OCA2: variants seen among roughly 807,000 people sequenced by gnomAD.
OCA2 encodes the protein OCA2 melanosomal transmembrane protein, also known as P protein.
In OCA2, 77 loss-of-function variants were observed where a neutral mutation model predicts 100.2. The ratio of observed to expected loss-of-function variants is 0.77; its 90% confidence interval spans 0.64 to 0.93. The LOEUF (loss-of-function observed/expected upper bound fraction) is 0.93, where lower values mean the gene tolerates loss of function less well. Among genes scored for constraint, OCA2 ranks in the 40% least tolerant of loss-of-function variants. The probability of loss-of-function intolerance (pLI) is 0.00; values close to 1 mark genes in which losing one functional copy is unlikely to be tolerated. For synonymous variants in OCA2, 432 were observed against 439.2 expected (o/e 0.98, Z 0.21); for missense variants, 1,062 against 1,089.1 (o/e 0.98, Z 0.35).
At chr15:27,770,353 C>T (rs948731109) in intron 23 of OCA2, among the ~76,000 whole-genome samples, 4 of 152,212 alleles carry the variant, frequency 2.6e-5, no homozygotes, top group Non-Finnish European at 5.9e-5. Flanking sequence ...GCGAGGCTTT[C>T]AGTGCGCCCG....
chr15:27,847,801 T>C (rs532321254), intron 22 of OCA2, among the ~76,000 whole-genome samples: 2 of 152,314 alleles, frequency 1.3e-5, no homozygotes, highest in Non-Finnish European at 2.9e-5. Flanking sequence ...TTTGTGATAG[T>C]AGGGAAAGGA....
chr15:27,793,971 G>A (rs1463722120), intron 23 of OCA2, among the ~76,000 whole-genome samples: 1 of 152,180 alleles, frequency 6.6e-6, no homozygotes, highest in Non-Finnish European at 1.5e-5. Context: ...CCGGCACTTG[G>A]TGGGACTGTG....
chr15:28,097,460 CCCTGCCCCAGAT>C (rs2045006971), intron 1 of OCA2, among the ~76,000 whole-genome samples: 1 of 152,208 alleles, frequency 6.6e-6, no homozygotes, highest in African/African-American at 2.4e-5. Flanking sequence ...CTGGGTCAGC[CCCTGCCCCAGAT>C]CCTGCCCCCT....
chr15:27,951,995 G>T, intron 17 of OCA2, 103 bp from the exon 18 acceptor site: 1 of 836,336 alleles, frequency 1.2e-6, no homozygotes, highest in Non-Finnish European at 2.0e-6. Context: ...TCACGAGGAT[G>T]AAAAATGTAA....
At chr15:27,826,992 A>G (rs2034751039) in intron 23 of OCA2, among the ~76,000 whole-genome samples, 1 of 152,266 alleles carries the variant, frequency 6.6e-6, no homozygotes, top group African/African-American at 2.4e-5. Flanking sequence ...GTCTCCCGGC[A>G]AGATGCCCTT....
intron 2 of OCA2, among the ~76,000 whole-genome samples, chr15:28,041,786 A>G (rs116237722): frequency 4.6e-5 from 7 of 152,236 alleles, no homozygotes; most frequent in Non-Finnish European, 1.0e-4. Context: ...TCTTAGAAAC[A>G]TAATGTTGCA....
chr15:27,985,130 G>A lies in OCA2; in HGVS notation c.1298C>T (p.Ala433Val), dbSNP rs780239785. 1.4e-5 allele frequency: 23 copies of A among 1,614,000 alleles called. No homozygotes were observed. Among genetic ancestry groups the A allele is most frequent in the Admixed American group, 5.0e-5 (3 of 60,016 alleles). ...GTCCAAGAAGGCAGAGAGGACGGCC[G>A]CGATGAGACAGAGCATGATGATCAT... ...WAMIIMLCLIAAVLSAFLDNV... is the reference protein window; with the variant it reads ...WAMIIMLCLIVAVLSAFLDNV... Residue 433 changes from alanine to valine, a missense_variant, in exon 13 of 24, where the codon GCG becomes GTG. Ala to Val is a moderately conservative substitution (Grantham distance 64). Transcript: ENST00000354638.
At chr15:27,918,322 G>A (rs59744873) in intron 19 of OCA2, among the ~76,000 whole-genome samples, 7,671 of 151,998 alleles carry the variant, frequency 0.05, 367 homozygotes, top group South Asian at 0.21. Flanking sequence ...CACCTGCCTC[G>A]GCCTCCCAAA....
intron 6 of OCA2, among the ~76,000 whole-genome samples, chr15:28,021,913 G>A (rs143283874): frequency 7.2e-5 from 11 of 152,262 alleles, no homozygotes; most frequent in African/African-American, 2.4e-4. Flanking sequence ...GTGCACCGCA[G>A]GTTGCCACAG....
chr15:28,014,939 G>A lies in OCA2; in HGVS notation c.891-10C>T, dbSNP rs1244128314. 4.3e-6 allele frequency: 7 copies of A among 1,613,908 alleles called. No individual in the cohort carries two copies. The highest frequency in any genetic ancestry group is 1.1e-5 in the South Asian group (1 of 91,038). On this transcript the variant is annotated splice_polypyrimidine_tract_variant and intron_variant, in intron 8 of 23. Transcript: ENST00000354638. ...GATGGACACCGTCTCTCTGCAGAAC[G>A]AAACAACGACCTTACTGTTCACAAG...
intron 14 of OCA2, 68 bp from the exon 15 acceptor site, chr15:27,966,890 C>G: frequency 6.5e-7 from 1 of 1,535,880 alleles, no homozygotes; most frequent in Non-Finnish European, 8.8e-7. Context: ...AATCCCAGCA[C>G]TTTCCGAGGT....
chr15:27,750,262 C>T (rs1366148117), downstream of OCA2, among the ~76,000 whole-genome samples: 1 of 152,096 alleles, frequency 6.6e-6, no homozygotes, highest in African/African-American at 2.4e-5. Flanking sequence ...GACAAATTAA[C>T]CTGTATATTG....
intron 2 of OCA2, among the ~76,000 whole-genome samples, chr15:28,068,660 T>A (rs2044098880): frequency 6.6e-6 from 1 of 152,294 alleles, no homozygotes; most frequent in East Asian, 1.9e-4. Flanking sequence ...TTCAGAACAA[T>A]ATCCCTCATG....
chr15:28,079,547 G>A (rs1008235207), intron 2 of OCA2, among the ~76,000 whole-genome samples: 3 of 152,062 alleles, frequency 2.0e-5, no homozygotes, highest in Non-Finnish European at 4.4e-5. Flanking sequence ...CCGAGAGCCC[G>A]CACTGTGGGT....
intron 2 of OCA2, among the ~76,000 whole-genome samples, chr15:28,032,686 C>T (rs2042941125): frequency 6.6e-6 from 1 of 150,508 alleles, no homozygotes; most frequent in South Asian, 2.1e-4. Context: ...CCCAGCTACT[C>T]TGGAGGCTGA....
intron 18 of OCA2, among the ~76,000 whole-genome samples, chr15:27,929,825 A>AAATTTTTTTTTTTTTTTTTTTT (rs71132826): frequency 7.4e-5 from 11 of 149,212 alleles, no homozygotes; most frequent in Admixed American, 2.0e-4. Context: ...CAAATGGGAA[A>AAATTTTTTTTTTTTTTTTTTTT]TATTTTAAAC....
In OCA2 at chr15:28,018,512, T is replaced by G; in HGVS notation, c.692A>C (p.Asp231Ala). 1 of 1,613,664 alleles carries G rather than the reference T, an allele frequency of 6.2e-7. No homozygotes were observed. Among genetic ancestry groups the G allele is most frequent in the Non-Finnish European group, 8.5e-7 (1 of 1,179,912 alleles). Residue 231 changes from aspartate (D) to alanine (A), a missense_variant, in exon 7 of 24, where the codon GAC becomes GCC. By Grantham distance (126) the Asp-to-Ala change is moderately radical (BLOSUM62 -2). Coordinates refer to ENST00000354638, the MANE Select transcript of OCA2 (RefSeq NM_000275.3). Reference protein sequence around the residue: ...SHVDSTLLQVDLAGALVASGP... With the variant: ...SHVDSTLLQVALAGALVASGP... ...ACTGGCCACTAGGGCCCCTGCCAGG[T>G]CCACCTGCAGCAGCGTGGAGTCCAC...
intron 19 of OCA2, among the ~76,000 whole-genome samples, chr15:27,887,182 C>T (rs1327339765): frequency 1.3e-5 from 2 of 152,180 alleles, no homozygotes; most frequent in African/African-American, 4.8e-5. Flanking sequence ...ACCTGTAAGT[C>T]CATTAAACCT....
chr15:28,094,996 G>A (rs1017381341), intron 1 of OCA2, among the ~76,000 whole-genome samples: 1 of 152,272 alleles, frequency 6.6e-6, no homozygotes, highest in Non-Finnish European at 1.5e-5. Flanking sequence ...GCGTACAGGA[G>A]CCTGGGTCAC....
Sources: allele counts gnomAD v4.1 joint callset (sites outside exome capture counted in the v4.1 genomes callset), GRCh38; gene constraint gnomAD v4.1.1; transcripts MANE v1.5; gene names NCBI Gene and HGNC (gene_info 2026-07-23, HGNC 2026-07-21).